ERG: variants seen among roughly 807,000 people sequenced by gnomAD.
ERG encodes the protein transcriptional regulator ERG.
Under a neutral mutation model 55.3 loss-of-function variants are expected in ERG, and 9 were observed. That is an observed-to-expected ratio of 0.16 (90% CI 0.10 to 0.28). The LOEUF is 0.28. Ranked by LOEUF, ERG falls within the 10% of genes least tolerant of loss-of-function variation. The pLI is 1.00. For synonymous variants in ERG, 223 were observed against 237.3 expected (o/e 0.94, Z 0.55); for missense variants, 434 against 631.6 (o/e 0.69, Z 3.35).
chr21:38,516,947 C>T (rs928151120), intron 2 of ERG, among the ~76,000 whole-genome samples: 1 of 151,974 alleles, frequency 6.6e-6, no homozygotes, highest in Non-Finnish European at 1.5e-5. Context: ...CTATCTCTTG[C>T]CATATATAAA....
At chr21:38,606,178 G>C (rs2060195913) in intron 1 of ERG, among the ~76,000 whole-genome samples, 1 of 152,092 alleles carries the variant, frequency 6.6e-6, no homozygotes, top group Non-Finnish European at 1.5e-5. Context: ...TAAGTAGACT[G>C]ATGACTGATA....
intron 1 of ERG, among the ~76,000 whole-genome samples, chr21:38,449,950 C>A (rs1051261521): frequency 1.3e-5 from 2 of 152,032 alleles, no homozygotes; most frequent in Non-Finnish European, 2.9e-5. Context: ...AGGAAGATGG[C>A]CAGAACTAGG....
intron 1 of ERG, among the ~76,000 whole-genome samples, chr21:38,468,723 C>G (rs951129802): frequency 1.3e-4 from 20 of 152,106 alleles, no homozygotes; most frequent in Admixed American, 2.6e-4. Context: ...CGGTGGCTCA[C>G]GCCTGTAATC....
At chr21:38,429,330 G>A (rs761038093) in intron 2 of ERG, among the ~76,000 whole-genome samples, 1 of 151,218 alleles carries the variant, frequency 6.6e-6, no homozygotes, top group African/African-American at 2.4e-5. Context: ...ACACATATAT[G>A]TATATCTACA....
In ERG at chr21:38,607,221, G is replaced by A. The variant is rs562877813; in HGVS notation, c.-149-22276C>T. ...CATTCAAGAGTGAGTATAAATTGAA[G>A]AAATGTTGAGGGAAAGACCAAAAGA... is the stretch of plus-strand genomic sequence containing the variant. On this transcript the variant is annotated intron_variant, in intron 1 of 10. Coordinates refer to the ERG transcript ENST00000398910. Among the ~76,000 whole-genome samples the A allele has an allele frequency of 2.0e-5, 3 of 152,252 alleles. No individual in the cohort carries two copies. The South Asian group carries it at 6.2e-4, about 32-fold the overall frequency.
intron 1 of ERG, among the ~76,000 whole-genome samples, chr21:38,476,674 G>A (rs939247379): frequency 3.3e-5 from 5 of 152,108 alleles, no homozygotes; most frequent in Non-Finnish European, 5.9e-5. Flanking sequence ...CTGTCCAACC[G>A]TTATAAACAT....
intron 2 of ERG, among the ~76,000 whole-genome samples, chr21:38,426,631 T>C (rs1229000425): frequency 6.6e-6 from 1 of 152,078 alleles, no homozygotes; most frequent in Non-Finnish European, 1.5e-5. Context: ...CAAAGAGATG[T>C]ATAAAATTAT....
At chr21:38,590,942 A>G (rs775161819) in intron 1 of ERG, among the ~76,000 whole-genome samples, 4 of 152,234 alleles carry the variant, frequency 2.6e-5, no homozygotes, top group African/African-American at 7.2e-5. Context: ...AAATTCTGCA[A>G]TCCTTCCTCT....
chr21:38,582,034 C>T (rs1412307105), intron 1 of ERG, among the ~76,000 whole-genome samples: 1 of 121,892 alleles, frequency 8.2e-6, no homozygotes, highest in Non-Finnish European at 1.7e-5. Context: ...CAGAGCGAGA[C>T]TCCATCTCAC....
chr21:38,486,819 AAC>A lies in ERG; in HGVS notation c.18+11542_18+11543del, dbSNP rs528485927. Among the ~76,000 whole-genome samples, 334 of 152,302 alleles carry A rather than the reference AAC, an allele frequency of 2.2e-3. 1 individual carries two copies. Among genetic ancestry groups the A allele is most frequent in the African/African-American group, 7.9e-3 (327 of 41,558 alleles). ...TTGCTTTGGCTTCCCGAGAAGCTGA[AAC>A]TACAGGCAGCTGCCAGCATGCCTGG... On this transcript the variant is annotated intron_variant, in intron 1 of 9. Coordinates refer to ENST00000288319, the MANE Select transcript of ERG (RefSeq NM_182918.4).
At position 38,575,627 on chromosome 21, in the gene ERG, G is replaced by C. The variant is rs569504533; in HGVS notation, c.-41+35C>G. On this transcript the variant is annotated intron_variant, in intron 2 of 8. Transcript: ENST00000398897. ...CCATGAAAACCTAGGCACAGAGGAA[G>C]GCAGAGCTGGCTTCCCAGCCAAGAC... 183 of 1,529,078 alleles carry C rather than the reference G, an allele frequency of 1.2e-4. 7 individuals carry two copies. In the South Asian group the frequency reaches 2.0e-3, roughly 17 times the overall value. The allele number at this position is 1,529,078 out of a possible 1,614,324, so 94.7% of individuals were successfully genotyped here.
At chr21:38,643,663 T>C (rs1172442494) in intron 1 of ERG, among the ~76,000 whole-genome samples, 3 of 152,180 alleles carry the variant, frequency 2.0e-5, no homozygotes, top group Non-Finnish European at 4.4e-5. Flanking sequence ...GCAAAGAGGA[T>C]TCCGCCCCAC....
intron 1 of ERG, among the ~76,000 whole-genome samples, chr21:38,636,127 A>C (rs921023325): frequency 6.6e-6 from 1 of 152,120 alleles, no homozygotes; most frequent in Non-Finnish European, 1.5e-5. Context: ...TTTTCCCCCT[A>C]TTGATCAGCA....
At chr21:38,484,657 T>C (rs1303731246) in intron 1 of ERG, among the ~76,000 whole-genome samples, 2 of 152,236 alleles carry the variant, frequency 1.3e-5, no homozygotes, top group African/African-American at 4.8e-5. Flanking sequence ...CTCAAAGGAA[T>C]AGCATGAGAA....
At chr21:38,480,590 C>CTTTTTTT (rs1248534019) in intron 1 of ERG, among the ~76,000 whole-genome samples, 1 of 32,298 alleles carries the variant, frequency 3.1e-5, no homozygotes, top group Admixed American at 3.7e-4. Context: ...CACTATATGG[C>CTTTTTTT]CTTTTTTTTT....
chr21:38,557,505 C>T (rs1162663339), intron 2 of ERG, among the ~76,000 whole-genome samples: 2 of 151,846 alleles, frequency 1.3e-5, no homozygotes, highest in South Asian at 4.2e-4. Flanking sequence ...CTGGGACCAA[C>T]CTGAGGTTTG....
chr21:38,605,988 A>AGAT (rs1385277080), intron 1 of ERG, among the ~76,000 whole-genome samples: 2 of 152,070 alleles, frequency 1.3e-5, no homozygotes, highest in Non-Finnish European at 2.9e-5. Flanking sequence ...GGTAGGTACT[A>AGAT]GATACATAGA....
At chr21:38,518,503 AT>A (rs916488606) in intron 2 of ERG, among the ~76,000 whole-genome samples, 1 of 151,522 alleles carries the variant, frequency 6.6e-6, no homozygotes, top group Non-Finnish European at 1.5e-5. Flanking sequence ...GTGGCAGTTG[AT>A]TTTTTTTTAC....
intron 1 of ERG, among the ~76,000 whole-genome samples, chr21:38,454,634 A>C (rs1041502688): frequency 1.3e-5 from 2 of 152,200 alleles, no homozygotes; most frequent in Non-Finnish European, 2.9e-5. Flanking sequence ...GGTTTCATAA[A>C]TCTTAATATT....
Sources: gnomAD v4.1 joint callset for allele counts (sites outside exome capture counted in the v4.1 genomes callset) on GRCh38, gnomAD v4.1.1 for gene constraint, MANE v1.5 for transcripts, NCBI Gene and HGNC (gene_info 2026-07-23, HGNC 2026-07-21) for gene names.